SLCO1A2: variants seen among roughly 807,000 people sequenced by gnomAD.
SLCO1A2 encodes OATP-1.
In SLCO1A2, 67 loss-of-function variants were observed where a neutral mutation model predicts 69.0. The observed-to-expected ratio is 0.97, with a 90% CI of 0.80 to 1.19. SLCO1A2 has a LOEUF of 1.19. Ranked by LOEUF, SLCO1A2 falls within the 50% of genes most tolerant of loss-of-function variation. The probability of loss-of-function intolerance (pLI) is 0.00; values close to 1 mark genes in which losing one functional copy is unlikely to be tolerated. For missense variants in SLCO1A2, 787 were observed against 793.7 expected (o/e 0.99, Z 0.10); for synonymous variants, 260 against 265.9 (o/e 0.98, Z 0.22).
intron 2 of SLCO1A2, among the ~76,000 whole-genome samples, chr12:21,321,721 C>G (rs1298724094): frequency 6.6e-6 from 1 of 152,114 alleles, no homozygotes; most frequent in Non-Finnish European, 1.5e-5. Context: ...CTTTGTTCAC[C>G]TGGTCAATAT....
chr12:21,275,710 G>A (rs1943693507), intron 12 of SLCO1A2, among the ~76,000 whole-genome samples: 1 of 152,122 alleles, frequency 6.6e-6, no homozygotes, highest in Non-Finnish European at 1.5e-5. Flanking sequence ...GGAGGCCAAG[G>A]CAGACGGATC....
intron 6 of SLCO1A2, 47 bp downstream of exon 6, chr12:21,304,380 G>A (rs1949091869): frequency 6.9e-7 from 1 of 1,450,082 alleles, no homozygotes; most frequent in Non-Finnish European, 9.6e-7. Flanking sequence ...CTAACCTCAA[G>A]GAACATATTG....
chr12:21,411,440 TG>T (rs1427687014), intron 1 of SLCO1A2, among the ~76,000 whole-genome samples: 1 of 152,206 alleles, frequency 6.6e-6, no homozygotes, highest in African/African-American at 2.4e-5. Context: ...GACCTGTTTC[TG>T]GGCTCATTCT....
chr12:21,394,090 G>A (rs1440440034), intron 1 of SLCO1A2, among the ~76,000 whole-genome samples: 1 of 152,082 alleles, frequency 6.6e-6, no homozygotes, highest in Non-Finnish European at 1.5e-5. Flanking sequence ...ATAAAACTAG[G>A]GTTTCTGTAA....
At chr12:21,302,845 C>T (rs890968520) in intron 6 of SLCO1A2, among the ~76,000 whole-genome samples, 3 of 152,144 alleles carry the variant, frequency 2.0e-5, no homozygotes, top group African/African-American at 4.8e-5. Context: ...GCGCATACCA[C>T]CACACTCGGC....
chr12:21,303,514 C>T (rs550662245), intron 6 of SLCO1A2, among the ~76,000 whole-genome samples: 6 of 152,086 alleles, frequency 3.9e-5, no homozygotes, highest in Non-Finnish European at 8.8e-5. Context: ...CTTCTCTCAC[C>T]CTCTTTGACT....
chr12:21,394,054 T>C (rs1400368013), intron 1 of SLCO1A2, among the ~76,000 whole-genome samples: 4 of 152,160 alleles, frequency 2.6e-5, no homozygotes, highest in Admixed American at 1.3e-4. Flanking sequence ...GGTTCAATAT[T>C]GCACAGTGAC....
chr12:21,303,309 G>A (rs879336581), intron 6 of SLCO1A2, among the ~76,000 whole-genome samples: 23 of 152,128 alleles, frequency 1.5e-4, no homozygotes, highest in Non-Finnish European at 2.8e-4. Context: ...ATAGCAAGGT[G>A]TTTGTTAATT....
intron 2 of SLCO1A2, among the ~76,000 whole-genome samples, chr12:21,371,927 G>A (rs553685939): frequency 4.1e-4 from 63 of 151,876 alleles, no homozygotes; most frequent in Non-Finnish European, 7.1e-4. Context: ...ACTTGAACCC[G>A]GGAGGCACAG....
chr12:21,294,683 A>C (rs972604161), intron 10 of SLCO1A2: 1 of 152,198 alleles, frequency 6.6e-6, no homozygotes, highest in Non-Finnish European at 1.5e-5. Context: ...GGGAATCAGC[A>C]TCATTGGAGA....
chr12:21,289,590 G>A (rs1378065399), intron 12 of SLCO1A2, among the ~76,000 whole-genome samples: 1 of 152,054 alleles, frequency 6.6e-6, no homozygotes, highest in African/African-American at 2.4e-5. Flanking sequence ...CAGGAGAGTG[G>A]CACACCCCAA....
chr12:21,366,307 C>T (rs1295885971), intron 2 of SLCO1A2, among the ~76,000 whole-genome samples: 1 of 151,330 alleles, frequency 6.6e-6, no homozygotes, highest in Non-Finnish European at 1.5e-5. Context: ...GGACAAAAAA[C>T]CAAACACCAC....
chr12:21,409,658 T>C (rs1374793231), intron 1 of SLCO1A2, among the ~76,000 whole-genome samples: 3 of 152,222 alleles, frequency 2.0e-5, no homozygotes, highest in African/African-American at 7.2e-5. Flanking sequence ...TATGGCTAAA[T>C]GGATAAATCC....
upstream of SLCO1A2, among the ~76,000 whole-genome samples, chr12:21,335,172 C>T (rs1021387059): frequency 2.6e-5 from 4 of 151,882 alleles, no homozygotes; most frequent in Admixed American, 2.6e-4. Context: ...ATTTGCATTC[C>T]AAGGCTTCCC....
At chr12:21,414,667 T>C (rs933937916) in intron 1 of SLCO1A2, among the ~76,000 whole-genome samples, 10 of 152,196 alleles carry the variant, frequency 6.6e-5, no homozygotes, top group Non-Finnish European at 1.5e-4. Flanking sequence ...TACCTGTCTA[T>C]CACATCAAGT....
chr12:21,358,817 C>T (rs1205148751), intron 2 of SLCO1A2, among the ~76,000 whole-genome samples: 1 of 151,990 alleles, frequency 6.6e-6, no homozygotes, highest in Admixed American at 6.5e-5. Flanking sequence ...GTCTAAATAC[C>T]TACCAAAGCC....
intron 2 of SLCO1A2, among the ~76,000 whole-genome samples, chr12:21,325,131 CCTA>C (rs1952117029): frequency 6.6e-6 from 1 of 152,072 alleles, no homozygotes; most frequent in African/African-American, 2.4e-5. Context: ...AGAATTTGTC[CCTA>C]CTAGCCCTTC....
chr12:21,313,982 T>TAAAAA (rs71043263), intron 4 of SLCO1A2, among the ~76,000 whole-genome samples: 1 of 136,422 alleles, frequency 7.3e-6, no homozygotes, highest in Non-Finnish European at 1.6e-5. Flanking sequence ...TAATAAATAA[T>TAAAAA]AAAAAAAAAA....
intron 1 of SLCO1A2, among the ~76,000 whole-genome samples, chr12:21,413,324 C>T (rs1941941758): frequency 6.7e-6 from 1 of 149,318 alleles, no homozygotes; most frequent in African/African-American, 2.5e-5. Flanking sequence ...CTGCAACCTC[C>T]ACCTCCTCCT....
Sources: allele counts gnomAD v4.1 joint callset (sites outside exome capture counted in the v4.1 genomes callset), GRCh38; gene constraint gnomAD v4.1.1; transcripts MANE v1.5; gene names NCBI Gene and HGNC (gene_info 2026-07-23, HGNC 2026-07-21).